The following FHOD3 variants were observed in gnomAD, a reference collection of about 807,000 sequenced individuals.
FHOD3 encodes the protein formin homology 2 domain containing 3.
In FHOD3, 90 loss-of-function variants were observed where a neutral mutation model predicts 173.0. That is an observed-to-expected ratio of 0.52 (90% CI 0.44 to 0.62). FHOD3 has a LOEUF of 0.62. Among genes scored for constraint, FHOD3 ranks in the 20% least tolerant of loss-of-function variants. The probability of loss-of-function intolerance (pLI) is 0.00; values close to 1 mark genes in which losing one functional copy is unlikely to be tolerated. For synonymous variants in FHOD3, 828 were observed against 823.0 expected, an observed-to-expected ratio of 1.01 and a Z score of -0.10; for missense variants, 1,945 against 2,034.7, an observed-to-expected ratio of 0.96 and a Z score of 0.85.
chr18:36,386,319 C>G (rs2048030251), intron 3 of FHOD3, among the ~76,000 whole-genome samples: 1 of 152,090 alleles, frequency 6.6e-6, no homozygotes. Flanking sequence ...GGCATGGGTG[C>G]TGGGGTTGGC....
At chr18:36,443,982 G>A (rs916117500) in intron 3 of FHOD3, among the ~76,000 whole-genome samples, 4 of 152,078 alleles carry the variant, frequency 2.6e-5, no homozygotes, top group African/African-American at 7.2e-5. Flanking sequence ...AAGGCAGGCA[G>A]ATCACGAGGT....
intron 1 of FHOD3, among the ~76,000 whole-genome samples, chr18:36,340,709 T>G (rs551180158): frequency 6.6e-6 from 1 of 151,828 alleles, no homozygotes; most frequent in African/African-American, 2.4e-5. Context: ...CGATCTCGGC[T>G]CACTGCAAGC....
At chr18:36,740,602 C>T in intron 20 of FHOD3, 54 bp from the exon 21 acceptor site, 1 of 1,432,220 alleles carries the variant, frequency 7.0e-7, no homozygotes, top group Admixed American at 2.0e-5. Flanking sequence ...ATTGAAGGGA[C>T]AGGGGAGGGT....
chr18:36,639,606 T>C (rs28489600), intron 10 of FHOD3, among the ~76,000 whole-genome samples: 11,276 of 148,164 alleles, frequency 0.076, 720 homozygotes, highest in East Asian at 0.22. Flanking sequence ...GAGCTTGCAG[T>C]GAGCGGAGAT....
chr18:36,355,422 A>G (rs1422456810), intron 1 of FHOD3, 117 bp from the exon 2 acceptor site: 2 of 759,510 alleles, frequency 2.6e-6, no homozygotes, highest in Admixed American at 2.4e-5. Context: ...GTTATGATCC[A>G]CATTTCAGAA....
intron 10 of FHOD3, among the ~76,000 whole-genome samples, chr18:36,648,407 A>T (rs905010118): frequency 6.6e-6 from 1 of 152,182 alleles, no homozygotes; most frequent in African/African-American, 2.4e-5. Flanking sequence ...GGACTTAGAG[A>T]CCAGAGAAAG....
At chr18:36,443,835 T>C (rs1414860431) in intron 3 of FHOD3, among the ~76,000 whole-genome samples, 1 of 152,216 alleles carries the variant, frequency 6.6e-6, no homozygotes, top group African/African-American at 2.4e-5. Context: ...CTTAGTCTAG[T>C]CTTTCCCTTT....
chr18:36,479,558 T>G (rs1028447499), intron 3 of FHOD3, among the ~76,000 whole-genome samples: 12 of 151,800 alleles, frequency 7.9e-5, no homozygotes, highest in African/African-American at 2.9e-4. Context: ...TAAGGAACAT[T>G]CAGTTGCTCA....
intron 27 of FHOD3, among the ~76,000 whole-genome samples, chr18:36,768,985 G>A (rs2043257646): frequency 1.3e-5 from 2 of 152,152 alleles, no homozygotes; most frequent in African/African-American, 4.8e-5. Flanking sequence ...ATAATAATGA[G>A]AGACAAGATA....
intron 1 of FHOD3, among the ~76,000 whole-genome samples, chr18:36,351,184 A>G (rs908153360): frequency 6.6e-6 from 1 of 152,106 alleles, no homozygotes; most frequent in Non-Finnish European, 1.5e-5. Context: ...CCCTCTTCCT[A>G]TAGCCCCGCT....
At chr18:36,417,255 T>C (rs1237200598) in intron 3 of FHOD3, among the ~76,000 whole-genome samples, 3 of 152,300 alleles carry the variant, frequency 2.0e-5, no homozygotes, top group African/African-American at 7.2e-5. Context: ...GTGTCTATTG[T>C]TCCCCTCTAT....
chr18:36,519,187 G>A (rs866777201), intron 5 of FHOD3, among the ~76,000 whole-genome samples: 2 of 152,152 alleles, frequency 1.3e-5, no homozygotes, highest in South Asian at 2.1e-4. Context: ...CAGCCTGTAC[G>A]GGTGCAGAGG....
At chr18:36,373,980 T>C (rs977826205) in intron 3 of FHOD3, among the ~76,000 whole-genome samples, 1 of 152,244 alleles carries the variant, frequency 6.6e-6, no homozygotes, top group Non-Finnish European at 1.5e-5. Flanking sequence ...TAACATGTAC[T>C]GAACAGTGTT....
intron 9 of FHOD3, among the ~76,000 whole-genome samples, chr18:36,612,454 G>T (rs2032785547): frequency 6.6e-6 from 1 of 152,174 alleles, no homozygotes; most frequent in Admixed American, 6.5e-5. Context: ...ATACCTGAGT[G>T]GGGTGGAACT....
intron 25 of FHOD3, among the ~76,000 whole-genome samples, chr18:36,758,193 G>A (rs2042714668): frequency 6.6e-6 from 1 of 152,208 alleles, no homozygotes; most frequent in Admixed American, 6.5e-5. Flanking sequence ...TTTGGATGAG[G>A]CAGCGTGGAA....
intron 1 of FHOD3, among the ~76,000 whole-genome samples, chr18:36,337,381 T>G (rs2045377814): frequency 2.0e-5 from 3 of 152,158 alleles, no homozygotes; most frequent in Admixed American, 2.0e-4. Flanking sequence ...ATAACGTGAA[T>G]AATCCTGGAA....
chr18:36,687,297 TG>T, intron 16 of FHOD3, 119 bp downstream of exon 16: 1 of 752,298 alleles, frequency 1.3e-6, no homozygotes. Context: ...CTTACATAGC[TG>T]GCATTTTGCA....
intron 5 of FHOD3, among the ~76,000 whole-genome samples, chr18:36,574,221 C>G (rs1454207674): frequency 6.6e-6 from 1 of 152,190 alleles, no homozygotes. Flanking sequence ...CCAGTTTGCC[C>G]TACCACCAGC....
Position 36,769,333 on chromosome 18 carries a change from A to G in FHOD3, c.4693A>G (p.Ile1565Val), listed in dbSNP as rs2043273326. The change falls in exon 28 of 29, where the codon ATC (isoleucine) becomes GTC (valine). Residue 1565 changes from isoleucine to valine, a missense_variant. This residue lies in a region of FHOD3 where 354 missense variants were observed against 359.9 expected (regional missense o/e 0.98). Coordinates refer to ENST00000590592, the MANE Select transcript of FHOD3 (RefSeq NM_001281740.3). Reference protein sequence around the residue: ...PNVTDDAADEIMDRIVKSATQ... With the variant: ...PNVTDDAADEVMDRIVKSATQ... Reference sequence around the variant, plus strand: ...TGTCACAGATGATGCAGCTGATGAGATCATGGACCGCATCGTCAAGTCAGC... The same window carrying G: ...TGTCACAGATGATGCAGCTGATGAGGTCATGGACCGCATCGTCAAGTCAGC... The G allele has an allele frequency of 1.2e-6, 2 of 1,614,194 alleles. No individual in the cohort carries two copies. Among genetic ancestry groups the G allele is most frequent in the South Asian group, 2.2e-5 (2 of 91,088 alleles).
Sources: allele counts gnomAD v4.1 joint callset (sites outside exome capture counted in the v4.1 genomes callset), GRCh38; gene constraint gnomAD v4.1.1; regional missense constraint gnomAD v4.1.1; transcripts MANE v1.5; gene names NCBI Gene and HGNC (gene_info 2026-07-23, HGNC 2026-07-21).